Variants in COLEC12 observed in about 807,000 individuals in gnomAD.
COLEC12 encodes collectin subfamily member 12.
COLEC12 carries 33 observed loss-of-function variants against 71.1 expected under a neutral mutation model. The ratio of observed to expected loss-of-function variants is 0.46; its 90% CI spans 0.35 to 0.62. The LOEUF (loss-of-function observed/expected upper bound fraction) is 0.62. COLEC12 is among the 20% of genes least tolerant of loss of function. The pLI is 0.00. For missense variants in COLEC12, 765 were observed against 916.1 expected, an observed-to-expected ratio of 0.84 and a Z score of 2.13; for synonymous variants, 350 against 353.0, an observed-to-expected ratio of 0.99 and a Z score of 0.10.
intron 2 of COLEC12, among the ~76,000 whole-genome samples, chr18:373,098 G>C (rs1214378094): frequency 6.6e-6 from 1 of 152,188 alleles, no homozygotes; most frequent in Non-Finnish European, 1.5e-5. Context: ...TGTGATAAGA[G>C]CCTCTTAGTT....
intron 8 of COLEC12, among the ~76,000 whole-genome samples, chr18:322,367 G>C (rs2186845): frequency 6.6e-6 from 1 of 152,186 alleles, no homozygotes; most frequent in African/African-American, 2.4e-5. Context: ...GATTGTCTGG[G>C]TGAGTTGTAG....
At chr18:427,723 A>C (rs1354451622) in intron 2 of COLEC12, among the ~76,000 whole-genome samples, 1 of 152,134 alleles carries the variant, frequency 6.6e-6, no homozygotes, top group Non-Finnish European at 1.5e-5. Context: ...AATTGAATCG[A>C]ATGCGCACCT....
intron 2 of COLEC12, among the ~76,000 whole-genome samples, chr18:474,946 C>G (rs570934332): frequency 6.6e-6 from 1 of 151,758 alleles, no homozygotes; most frequent in South Asian, 2.1e-4. Flanking sequence ...TCGGTGGCGG[C>G]GCCTGTAGTC....
intron 2 of COLEC12, among the ~76,000 whole-genome samples, chr18:438,717 G>A (rs4798204): frequency 0.15 from 23,032 of 151,690 alleles, 2,244 homozygotes; most frequent in Non-Finnish European, 0.22. Context: ...AAGCTGAGAA[G>A]GGAGGGTCAC....
chr18:374,859 A>G (rs1426270550), intron 2 of COLEC12, among the ~76,000 whole-genome samples: 1 of 152,244 alleles, frequency 6.6e-6, no homozygotes, highest in East Asian at 1.9e-4. Flanking sequence ...GTTAAGTAGC[A>G]TCATCAAGAC....
chr18:346,787 T>C lies in COLEC12; in HGVS notation c.835A>G (p.Asn279Asp). The change falls in exon 5 of 10, where the codon AAC (asparagine) becomes GAC (aspartate). Residue 279 changes from asparagine (N) to aspartate (D), a missense_variant. Transcript: ENST00000400256. This position sits in a 1 kb window ranked among gnomAD's most constrained non-coding sequence, Gnocchi z 4.0. Reference sequence around the variant, plus strand: ...TTCATATCCTCCAGGGTGTCGTTGTTGGCTTTGGCCAACGCAGAGTTGTTG... The same window carrying C: ...TTCATATCCTCCAGGGTGTCGTTGTCGGCTTTGGCCAACGCAGAGTTGTTG... ...AANNSALAKA[N>D]NDTLEDMNSQ... 3 of 1,614,252 alleles carry C rather than the reference T, an allele frequency of 1.9e-6. No homozygotes were observed. The highest frequency in any genetic ancestry group is 1.3e-5 in the African/African-American group (1 of 75,078).
chr18:490,365 C>G (rs1370442264), intron 1 of COLEC12, among the ~76,000 whole-genome samples: 1 of 152,114 alleles, frequency 6.6e-6, no homozygotes, highest in African/African-American at 2.4e-5. Flanking sequence ...TACAGGGTTT[C>G]GGGATGGTTT....
chr18:446,557 T>TAA (rs1314033615), intron 2 of COLEC12, among the ~76,000 whole-genome samples: 80,389 of 114,504 alleles, frequency 0.7, 26,303 homozygotes, highest in Non-Finnish European at 0.74. Context: ...AAAAAAAATT[T>TAA]TTTTTTTTTT....
At chr18:421,566 T>A (rs937480527) in intron 2 of COLEC12, among the ~76,000 whole-genome samples, 3 of 152,154 alleles carry the variant, frequency 2.0e-5, no homozygotes, top group African/African-American at 7.2e-5. Flanking sequence ...CATGTCTGCC[T>A]TTTTGTGCCT....
At position 320,037 on chromosome 18, in the gene COLEC12, A is replaced by C. The variant is rs1913665507; in HGVS notation, c.*8T>G. ...GAAAATTTGCTCATGTGATCCCATCACAGTCCGTTATAATGCAGATGACAG... is the reference window on the plus strand; with the variant it reads ...GAAAATTTGCTCATGTGATCCCATCCCAGTCCGTTATAATGCAGATGACAG... On this transcript the variant is annotated 3_prime_UTR_variant, in exon 10 of 10. Transcript: ENST00000400256. 6.5e-7 allele frequency: 1 copy of C among 1,547,920 alleles called. No homozygotes were observed. Among genetic ancestry groups the C allele is most frequent in the East Asian group, 2.3e-5 (1 of 43,956 alleles).
At position 334,775 on chromosome 18, in the gene COLEC12, G is replaced by T. The variant is rs751464607; in HGVS notation, c.1783C>A (p.Gln595Lys). ...PSGAVVPLAL[Q>K]NEPTPAPEDN... is the part of the protein sequence containing the mutation. ...TCCGGTGCTGGGGTTGGCTCATTCT[G>T]CAGGGCCAGGGGCACCACCGCTCCT... is the stretch of plus-strand genomic sequence containing the variant. The change falls in exon 6 of 10, where the codon CAG (glutamine) becomes AAG (lysine). Residue 595 changes from glutamine to lysine, a missense_variant. Gln to Lys is a moderately conservative substitution (Grantham distance 53). Transcript: ENST00000400256. The T allele has an allele frequency of 2.2e-5, 32 of 1,480,556 alleles. No individual in the cohort carries two copies. Among genetic ancestry groups the T allele is most frequent in the Middle Eastern group, 2.3e-4 (1 of 4,264 alleles). 91.7% of individuals were successfully genotyped at this position (1,480,556 alleles called of 1,614,324 possible).
At chr18:445,727 G>A (rs982850430) in intron 2 of COLEC12, among the ~76,000 whole-genome samples, 1 of 150,258 alleles carries the variant, frequency 6.7e-6, no homozygotes, top group African/African-American at 2.5e-5. Context: ...TCGCCACCTG[G>A]GCTCAAGTGA....
chr18:332,426 T>C (rs1188401813), intron 7 of COLEC12, among the ~76,000 whole-genome samples: 1 of 152,208 alleles, frequency 6.6e-6, no homozygotes, highest in African/African-American at 2.4e-5. Flanking sequence ...GCTGCAGTTT[T>C]GGTCTCAGTC....
chr18:383,651 C>T (rs62087985), intron 2 of COLEC12, among the ~76,000 whole-genome samples: 13,187 of 152,234 alleles, frequency 0.087, 643 homozygotes, highest in South Asian at 0.11. Context: ...CCTCCCATCT[C>T]CCCTAACTGC....
At chr18:455,378 T>C (rs35110528) in intron 2 of COLEC12, among the ~76,000 whole-genome samples, 48,521 of 150,436 alleles carry the variant, frequency 0.32, 7,841 homozygotes, top group African/African-American at 0.36. Flanking sequence ...CCCGGGTTCA[T>C]GCCATTCTCC....
At chr18:442,803 C>A (rs1348769431) in intron 2 of COLEC12, among the ~76,000 whole-genome samples, 1 of 152,114 alleles carries the variant, frequency 6.6e-6, no homozygotes, top group African/African-American at 2.4e-5. Flanking sequence ...CTATTAAAAA[C>A]ACAAAAAATT....
At chr18:470,219 A>ATTTT (rs1917166402) in intron 2 of COLEC12, among the ~76,000 whole-genome samples, 1 of 130,480 alleles carries the variant, frequency 7.7e-6, no homozygotes, top group African/African-American at 3.1e-5. Context: ...GAGGCCAGGA[A>ATTTT]ATTTTTTTTT....
chr18:461,229 A>T (rs981790929), intron 2 of COLEC12, among the ~76,000 whole-genome samples: 3 of 152,154 alleles, frequency 2.0e-5, no homozygotes, highest in Non-Finnish European at 4.4e-5. Flanking sequence ...TGTAATTTAA[A>T]TTTTTTCTAG....
At chr18:345,672 G>C (rs1914354978) in intron 5 of COLEC12, among the ~76,000 whole-genome samples, 1 of 152,214 alleles carries the variant, frequency 6.6e-6, no homozygotes, top group South Asian at 2.1e-4. Flanking sequence ...TTTCAGAGGA[G>C]CTTGATTTAT....
Sources: gnomAD v4.1 joint callset for allele counts (sites outside exome capture counted in the v4.1 genomes callset) on GRCh38, gnomAD v4.1.1 for gene constraint, Gnocchi (gnomAD v3.1) non-coding constraint, MANE v1.5 for transcripts, NCBI Gene and HGNC (gene_info 2026-07-23, HGNC 2026-07-21) for gene names.